NOL4L: variants seen among roughly 807,000 people sequenced by gnomAD.
The protein encoded by NOL4L is nucleolar protein 4 like, also known as nucleolar protein 4-like.
In NOL4L, 7 loss-of-function variants were observed where a neutral mutation model predicts 64.5. The ratio of observed to expected loss-of-function variants is 0.11; its 90% CI spans 0.06 to 0.20. NOL4L has a LOEUF of 0.20. Ranked by LOEUF, NOL4L falls within the 10% of genes least tolerant of loss-of-function variation. The probability of loss-of-function intolerance (pLI) is 1.00; values close to 1 mark genes in which losing one functional copy is unlikely to be tolerated. For synonymous variants in NOL4L, 413 were observed against 401.0 expected (o/e 1.03, Z -0.36); for missense variants, 680 against 967.1 (o/e 0.70, Z 3.94).
At chr20:32,454,599 C>T (rs2013289992) in intron 6 of NOL4L, among the ~76,000 whole-genome samples, 1 of 152,252 alleles carries the variant, frequency 6.6e-6, no homozygotes, top group Non-Finnish European at 1.5e-5. Flanking sequence ...TCCCACACCA[C>T]CTGTCTCCTG....
At chr20:32,503,188 A>G (rs946033654) in intron 4 of NOL4L, among the ~76,000 whole-genome samples, 28 of 152,196 alleles carry the variant, frequency 1.8e-4, no homozygotes, top group African/African-American at 5.8e-4. Flanking sequence ...TTGCTGCAGC[A>G]TAAACCTTCC....
At chr20:32,572,753 TG>T in intron 1 of NOL4L, among the ~76,000 whole-genome samples, 1 of 152,154 alleles carries the variant, frequency 6.6e-6, no homozygotes, top group South Asian at 2.1e-4. Context: ...CTGTCAATCC[TG>T]GAGGCAAACC....
chr20:32,486,556 C>T, intron 4 of NOL4L: 1 of 369,068 alleles, frequency 2.7e-6, no homozygotes, highest in South Asian at 2.2e-5. Context: ...GGGGACCTGG[C>T]CATGGGACTC....
chr20:32,582,172 G>T (rs1347359550), intron 1 of NOL4L: 1 of 152,226 alleles, frequency 6.6e-6, no homozygotes, highest in Non-Finnish European at 1.5e-5. Context: ...GCGGGCGTGG[G>T]GAGCCCGAGG....
Position 32,535,948 on chromosome 20 carries a change from G to A in NOL4L, c.322-8035C>T, listed in dbSNP as rs575578249. 2.2e-4 allele frequency: 212 copies of A among 985,818 alleles called. 2 individuals are homozygous for A. Among genetic ancestry groups the A allele is most frequent in the African/African-American group, 2.0e-3 (115 of 57,372 alleles). 61.1% of individuals were successfully genotyped at this position (985,818 alleles called of 1,614,324 possible). A position where few individuals can be genotyped will look rare whatever the true frequency, so the allele number is the denominator to read the frequency against. On this transcript the variant is annotated intron_variant, in intron 1 of 10. Transcript: ENST00000621426. The stretch of plus-strand genomic sequence containing the variant: ...GCTGCAGGACTCTGGCCTGGCGGGG[G>A]CAGGGAGAGGGTCCACAGGAGGGTG...
chr20:32,560,074 G>A (rs977511083), intron 1 of NOL4L, among the ~76,000 whole-genome samples: 2 of 152,250 alleles, frequency 1.3e-5, no homozygotes, highest in Non-Finnish European at 2.9e-5. Context: ...TTTCACAAAG[G>A]AGCTGGAGGA....
intron 5 of NOL4L, among the ~76,000 whole-genome samples, chr20:32,471,188 G>A (rs895592791): frequency 6.7e-6 from 1 of 148,226 alleles, no homozygotes; most frequent in Non-Finnish European, 1.5e-5. Context: ...TGTGGCACCC[G>A]CACAACTCAC....
chr20:32,527,072 C>G (rs377122419), intron 2 of NOL4L, among the ~76,000 whole-genome samples: 1 of 152,190 alleles, frequency 6.6e-6, no homozygotes, highest in African/African-American at 2.4e-5. Context: ...AATGCCAGTA[C>G]AGGTGTCACC....
intron 4 of NOL4L, among the ~76,000 whole-genome samples, chr20:32,499,738 CA>C (rs10692885): frequency 0.018 from 911 of 51,316 alleles, 2 homozygotes; most frequent in Middle Eastern, 0.068. Context: ...GACCTTGTCT[CA>C]AAAAAAAAAA....
At chr20:32,538,364 G>A (rs920370745) in intron 1 of NOL4L, among the ~76,000 whole-genome samples, 1 of 152,096 alleles carries the variant, frequency 6.6e-6, no homozygotes, top group Non-Finnish European at 1.5e-5. Flanking sequence ...AAGCAGAACC[G>A]GCTCTGTGTC....
chr20:32,470,790 G>A (rs977662336), intron 5 of NOL4L, among the ~76,000 whole-genome samples: 3 of 152,258 alleles, frequency 2.0e-5, no homozygotes, highest in Non-Finnish European at 2.9e-5. Context: ...TGTGTGGAGA[G>A]GGCCTTCTTT....
intron 4 of NOL4L, among the ~76,000 whole-genome samples, chr20:32,492,859 T>C (rs1403324078): frequency 1.3e-5 from 2 of 152,300 alleles, no homozygotes; most frequent in African/African-American, 2.4e-5. Flanking sequence ...TCCACAATCA[T>C]GGAGCTAGAA....
chr20:32,472,116 GAAAC>G (rs1024171311), intron 5 of NOL4L, among the ~76,000 whole-genome samples: 3 of 152,214 alleles, frequency 2.0e-5, no homozygotes, highest in African/African-American at 7.2e-5. Flanking sequence ...GATGTCCCCA[GAAAC>G]AAACAACCCA....
rs940944410 is a variant in NOL4L, at chr20:32,446,930, T to C, written c.*666A>G. 7.4e-6 allele frequency: 2 copies of C among 271,362 alleles called. No individual in the cohort carries two copies. The highest frequency in any genetic ancestry group is 1.0e-4 in the Admixed American group (2 of 19,490). The allele number at this position is 271,362 out of a possible 1,614,324, so 16.8% of individuals were successfully genotyped here. A position where few individuals can be genotyped will look rare whatever the true frequency, so the allele number is the denominator to read the frequency against. ...TTGCCTAGGGAGGTGCCTGGTGGTGTCCCTGTGGCAGCACTGGGATCTGCA... is the reference window on the plus strand; with the variant it reads ...TTGCCTAGGGAGGTGCCTGGTGGTGCCCCTGTGGCAGCACTGGGATCTGCA... On this transcript the variant is annotated 3_prime_UTR_variant, in exon 11 of 11. Transcript: ENST00000621426.
intron 5 of NOL4L, among the ~76,000 whole-genome samples, chr20:32,461,605 G>T (rs1376919532): frequency 6.6e-6 from 1 of 150,726 alleles, no homozygotes; most frequent in Non-Finnish European, 1.5e-5. Context: ...TATGTTTTTA[G>T]TAGACATGGG....
At chr20:32,533,928 T>C (rs1484834413) in intron 1 of NOL4L, among the ~76,000 whole-genome samples, 1 of 152,186 alleles carries the variant, frequency 6.6e-6, no homozygotes, top group Non-Finnish European at 1.5e-5. Context: ...ATCTTGCCTG[T>C]CTCCCCACAT....
chr20:32,527,947 G>A (rs1309204162), intron 1 of NOL4L, 34 bp from the exon 2 acceptor site: 23 of 1,541,366 alleles, frequency 1.5e-5, no homozygotes, highest in Non-Finnish European at 1.9e-5. Flanking sequence ...GTTAGTGTCA[G>A]GAATGATGGC....
rs201145025 is a variant in NOL4L at position 32,488,875 on chromosome 20, C to CT, written c.700-14134dup. ...TCTTTCTTTCTTTCTTTCTTTCTTT[C>CT]TTTCTTTCTTTCTTTCTTTCCTCTC... On this transcript the variant is annotated intron_variant, in intron 4 of 10. Coordinates refer to ENST00000621426, the MANE Select transcript of NOL4L (RefSeq NM_001256798.2). Among the ~76,000 whole-genome samples the CT allele has an allele frequency of 2.9e-4, 25 of 85,866 alleles. No homozygotes were observed. The South Asian group carries it at 9.4e-3, about 32-fold the overall frequency. The allele number at this position is 85,866 out of a possible 152,430, so 56.3% of individuals were successfully genotyped here. A position where few individuals can be genotyped will look rare whatever the true frequency, so the allele number is the denominator to read the frequency against.
At chr20:32,466,056 C>T (rs2014523345) in intron 5 of NOL4L, among the ~76,000 whole-genome samples, 1 of 151,750 alleles carries the variant, frequency 6.6e-6, no homozygotes. Flanking sequence ...CAACCTCCAC[C>T]TCCTGGGTTC....
Sources: allele counts gnomAD v4.1 joint callset (sites outside exome capture counted in the v4.1 genomes callset), GRCh38; gene constraint gnomAD v4.1.1; transcripts MANE v1.5; gene names NCBI Gene and HGNC (gene_info 2026-07-23, HGNC 2026-07-21).